Variants in STMN1 observed in about 807,000 individuals in gnomAD.
STMN1 encodes the protein stathmin 1, also known as stathmin.
Under a neutral mutation model 19.7 loss-of-function variants are expected in STMN1, and 3 were observed. That is an observed-to-expected ratio of 0.15 (90% confidence interval 0.07 to 0.39). The LOEUF (loss-of-function observed/expected upper bound fraction) is 0.39. STMN1 is among the 10% of genes least tolerant of loss of function. The probability of loss-of-function intolerance (pLI) is 1.00; values close to 1 mark genes in which losing one functional copy is unlikely to be tolerated. For missense variants in STMN1, 99 were observed against 176.0 expected (o/e 0.56, Z 2.48); for synonymous variants, 59 against 58.9 (o/e 1.00, Z -0.01).
chr1:25,887,843 T>C (rs2048737652), intron 4 of STMN1, among the ~76,000 whole-genome samples: 1 of 152,174 alleles, frequency 6.6e-6, no homozygotes, highest in African/African-American at 2.4e-5. Context: ...TGTGCCATCA[T>C]GCCTGGCTAA....
intron 4 of STMN1, among the ~76,000 whole-genome samples, chr1:25,886,848 AG>A (rs752012640): frequency 1.8e-4 from 27 of 151,934 alleles, no homozygotes; most frequent in Non-Finnish European, 3.1e-4. Context: ...GGTCTCCCAA[AG>A]TGCTGGGATT....
At position 25,900,494 on chromosome 1, in the gene STMN1, C is replaced by G. The variant is rs1325540319; in HGVS notation, c.*522G>C. The G allele has an allele frequency of 1.0e-6, 1 of 985,816 alleles. No homozygotes were observed. The highest frequency in any genetic ancestry group is 1.2e-6 in the Non-Finnish European group (1 of 830,026). The allele number at this position is 985,816 out of a possible 1,614,324, so 61.1% of individuals were successfully genotyped here. ...TTTCTACCAGCCCCAAAGGCCCCAT[C>G]TGGAACAAGTATCAACCAGGAGGGG... On this transcript the variant is annotated 3_prime_UTR_variant, in exon 5 of 5. Transcript: ENST00000455785.
chr1:25,887,326 G>T (rs529609770), intron 4 of STMN1: 2 of 207,710 alleles, frequency 9.6e-6, no homozygotes, highest in Admixed American at 1.0e-4. Context: ...CCAAGAGGTT[G>T]TCCAGGAGCC....
downstream of STMN1, among the ~76,000 whole-genome samples, chr1:25,897,393 CAAAT>C (rs1249179406): frequency 6.6e-6 from 1 of 151,252 alleles, no homozygotes; most frequent in Admixed American, 6.6e-5. Flanking sequence ...GTGATTCAAA[CAAAT>C]GAATTCGCAG....
chr1:25,896,036 CCT>C (rs954287445), downstream of STMN1, among the ~76,000 whole-genome samples: 1 of 152,158 alleles, frequency 6.6e-6, no homozygotes, highest in African/African-American at 2.4e-5. Flanking sequence ...AGGAGGAGTC[CCT>C]GTTTTCAGGG....
intron 4 of STMN1, among the ~76,000 whole-genome samples, chr1:25,886,347 T>C (rs762861505): frequency 1.4e-4 from 22 of 152,210 alleles, no homozygotes; most frequent in Non-Finnish European, 2.8e-4. Flanking sequence ...TAGCTTTCTA[T>C]GTGACCTTGG....
chr1:25,896,220 C>T (rs553700952), downstream of STMN1, among the ~76,000 whole-genome samples: 3 of 152,298 alleles, frequency 2.0e-5, no homozygotes, highest in East Asian at 3.9e-4. Context: ...CCTTACTTCT[C>T]GCCTATGGAA....
chr1:25,886,925 C>A (rs757786725), intron 4 of STMN1, among the ~76,000 whole-genome samples: 4 of 152,080 alleles, frequency 2.6e-5, no homozygotes, highest in African/African-American at 9.7e-5. Flanking sequence ...TGCTTCTCAT[C>A]TGGGACTCAG....
chr1:25,892,498 G>A (rs2048784638), intron 4 of STMN1: 1 of 983,628 alleles, frequency 1.0e-6, no homozygotes, highest in South Asian at 4.7e-5. Flanking sequence ...GCTTGAACCA[G>A]TTCTTTCTCT....
chr1:25,905,898 A>G (rs1320207339), intron 1 of STMN1: 2 of 152,256 alleles, frequency 1.3e-5, no homozygotes, highest in African/African-American at 4.8e-5. Flanking sequence ...AAGACAGAAG[A>G]ACCCTCGTGG....
At chr1:25,896,835 T>G (rs1412957131), downstream of STMN1, among the ~76,000 whole-genome samples, 1 of 152,178 alleles carries the variant, frequency 6.6e-6, no homozygotes, top group Non-Finnish European at 1.5e-5. Context: ...AGGAGGCAAG[T>G]GTCAAGAGAC....
At chr1:25,903,906 G>A (rs115848192) in intron 2 of STMN1, 93 bp from the exon 3 acceptor site, 3 of 1,307,536 alleles carry the variant, frequency 2.3e-6, no homozygotes, top group African/African-American at 3.0e-5. Flanking sequence ...TCAATTTAAT[G>A]TATTAAACTA....
intron 4 of STMN1, among the ~76,000 whole-genome samples, chr1:25,892,148 G>A (rs889321596): frequency 9.2e-5 from 14 of 152,204 alleles, no homozygotes; most frequent in African/African-American, 3.1e-4. Context: ...CCAGCACTTC[G>A]GGAGGCCGAG....
At chr1:25,899,811 G>C (rs1343117291), downstream of STMN1, among the ~76,000 whole-genome samples, 1 of 152,128 alleles carries the variant, frequency 6.6e-6, no homozygotes, top group Non-Finnish European at 1.5e-5. Context: ...CCAAGCAGCA[G>C]AGGCACATGC....
chr1:25,900,401 G>T lies in STMN1; in HGVS notation c.*615C>A, dbSNP rs941974116. The T allele has an allele frequency of 2.0e-6, 2 of 985,746 alleles. No homozygotes were observed. Among genetic ancestry groups the T allele is most frequent in the East Asian group, 1.1e-4 (1 of 8,836 alleles). 61.1% of individuals were successfully genotyped at this position (985,746 alleles called of 1,614,324 possible). A position where few individuals can be genotyped will look rare whatever the true frequency, so the allele number is the denominator to read the frequency against. Reference sequence around the variant, plus strand: ...CCAAACAAAGCAGTCATTGTGGAAGGAGACAATGCAAACCACACTGGGGCA... The same window carrying T: ...CCAAACAAAGCAGTCATTGTGGAAGTAGACAATGCAAACCACACTGGGGCA... On this transcript the variant is annotated 3_prime_UTR_variant, in exon 5 of 5. Transcript: ENST00000455785.
At chr1:25,904,784 T>C in intron 1 of STMN1, 46 bp from the exon 2 acceptor site, 1 of 1,515,742 alleles carries the variant, frequency 6.6e-7, no homozygotes, top group African/African-American at 1.4e-5. Flanking sequence ...TTTGCCTTTC[T>C]ATATGTCATC....
intron 4 of STMN1, among the ~76,000 whole-genome samples, chr1:25,888,152 G>C (rs2048741127): frequency 6.6e-6 from 1 of 152,128 alleles, no homozygotes; most frequent in Admixed American, 6.5e-5. Context: ...GGGATAATCA[G>C]AACACCTCCG....
chr1:25,885,679 C>T, exon 5 of STMN1: 1 of 1,530,040 alleles, frequency 6.5e-7, no homozygotes. Context: ...GTTCATCAGT[C>T]TCAAGGTCAT....
rs148347609 is a variant in STMN1 at position 25,901,200 on chromosome 1, T to C, written c.379-113A>G. ...AGAGGCCCAACACAACCTCAGTGCA[T>C]ATATTACAGCCTGTGGGAACCACAC... On this transcript the variant is annotated intron_variant, in intron 4 of 4. Coordinates refer to ENST00000455785, the MANE Select transcript of STMN1 (RefSeq NM_005563.4). 249 of 1,509,456 alleles carry C rather than the reference T, an allele frequency of 1.6e-4. 1 individual carries two copies. The East Asian group carries it at 5.1e-3, about 31-fold the overall frequency. 93.5% of individuals were successfully genotyped at this position (1,509,456 alleles called of 1,614,324 possible).
Sources: allele counts gnomAD v4.1 joint callset (sites outside exome capture counted in the v4.1 genomes callset), GRCh38; gene constraint gnomAD v4.1.1; transcripts MANE v1.5; gene names NCBI Gene and HGNC (gene_info 2026-07-23, HGNC 2026-07-21).